The following PRSS38 variants were observed in gnomAD, a reference collection of about 807,000 sequenced individuals.
The protein encoded by PRSS38 is serine protease 38.
PRSS38 carries 22 observed loss-of-function variants against 26.8 expected under a neutral mutation model. The ratio of observed to expected loss-of-function variants is 0.82; its 90% CI spans 0.59 to 1.17. The LOEUF (loss-of-function observed/expected upper bound fraction) is 1.17. Among genes scored for constraint, PRSS38 ranks in the 50% most tolerant of loss-of-function variants. PRSS38 has a pLI of 0.00. For missense variants in PRSS38, 427 were observed against 422.7 expected (o/e 1.01, Z -0.09); for synonymous variants, 175 against 172.1 (o/e 1.02, Z -0.13).
intron 3 of PRSS38, among the ~76,000 whole-genome samples, chr1:227,837,557 CT>C (rs35531843): frequency 0.17 from 26,058 of 152,146 alleles, 4,205 homozygotes; most frequent in African/African-American, 0.43. Context: ...GCAACAGATA[CT>C]TACTGTGCAA....
intron 3 of PRSS38, among the ~76,000 whole-genome samples, chr1:227,826,076 C>A (rs1298462562): frequency 1.3e-5 from 2 of 152,084 alleles, no homozygotes; most frequent in African/African-American, 2.4e-5. Context: ...GTTTGTAGTT[C>A]TTTTTGAAGA....
At chr1:227,815,677 C>CG, upstream of PRSS38, 1 of 1,536,082 alleles carries the variant, frequency 6.5e-7, no homozygotes, top group South Asian at 1.2e-5. Context: ...AGTCACATGT[C>CG]GGGAGCTAGT....
intron 3 of PRSS38, among the ~76,000 whole-genome samples, chr1:227,826,003 C>T (rs1665068424): frequency 1.3e-5 from 2 of 152,102 alleles, no homozygotes; most frequent in Admixed American, 6.5e-5. Flanking sequence ...TTGATTCTTC[C>T]TGTCTGTGAG....
At chr1:227,818,580 A>G (rs959024963) in intron 3 of PRSS38, among the ~76,000 whole-genome samples, 4 of 150,188 alleles carry the variant, frequency 2.7e-5, no homozygotes, top group African/African-American at 7.4e-5. Context: ...CAGGAGGCTA[A>G]CGTGGAAAGA....
chr1:227,840,792 C>T (rs1406627640), intron 3 of PRSS38, among the ~76,000 whole-genome samples: 1 of 152,196 alleles, frequency 6.6e-6, no homozygotes, highest in Non-Finnish European at 1.5e-5. Flanking sequence ...GTCATTCAGC[C>T]TGGAAGTCAC....
intron 3 of PRSS38, among the ~76,000 whole-genome samples, chr1:227,842,721 C>G (rs1665356828): frequency 6.6e-6 from 1 of 152,100 alleles, no homozygotes; most frequent in East Asian, 1.9e-4. Flanking sequence ...GCTGGGATTA[C>G]AGGCATGTGC....
At chr1:227,836,318 C>T (rs77083516) in intron 3 of PRSS38, among the ~76,000 whole-genome samples, 17,599 of 151,870 alleles carry the variant, frequency 0.12, 1,316 homozygotes, top group East Asian at 0.21. Flanking sequence ...CCAGGCTGGC[C>T]TCAAGGGATC....
intron 3 of PRSS38, among the ~76,000 whole-genome samples, chr1:227,827,378 AG>A (rs1273840413): frequency 6.6e-6 from 1 of 152,110 alleles, no homozygotes; most frequent in Non-Finnish European, 1.5e-5. Flanking sequence ...TGGTCTGTTC[AG>A]GGTTTCAATT....
At chr1:227,838,023 T>C (rs933490046) in intron 3 of PRSS38, among the ~76,000 whole-genome samples, 10 of 152,190 alleles carry the variant, frequency 6.6e-5, no homozygotes, top group African/African-American at 2.4e-4. Flanking sequence ...CCCAAGGTGT[T>C]GGGATGACAG....
rs937514873 is a variant in PRSS38 at position 227,835,624 on chromosome 1, G to A, written c.584-9846G>A. ...TGGGGCATAAACATAGGATGGAAAAGTATTTCAACCATAAAATGGAATACG... is the reference window on the plus strand; with the variant it reads ...TGGGGCATAAACATAGGATGGAAAAATATTTCAACCATAAAATGGAATACG... On this transcript the variant is annotated intron_variant, in intron 3 of 4. Transcript: ENST00000366757. 6.6e-5 allele frequency among the ~76,000 whole-genome samples: 10 copies of A among 152,272 alleles called. No homozygotes were observed. The South Asian group carries it at 1.0e-3, about 16-fold the overall frequency.
chr1:227,816,321 T>G lies in PRSS38; in HGVS notation c.311+69T>G. ...CACGGAGTGCCCACAGCGGCTTGGA[T>G]GGACCCCACGCAAGCCTCCCCCATC... On this transcript the variant is annotated intron_variant, in intron 2 of 4. Transcript: ENST00000366757. The surrounding 1 kb of genome is among the most constrained non-coding windows in gnomAD (Gnocchi z 5.1). 6.7e-7 allele frequency: 1 copy of G among 1,502,016 alleles called. No individual in the cohort carries two copies. Among genetic ancestry groups the G allele is most frequent in the East Asian group, 2.3e-5 (1 of 43,714 alleles). 93.0% of individuals were successfully genotyped at this position (1,502,016 alleles called of 1,614,324 possible).
At chr1:227,845,387 C>A in intron 3 of PRSS38, 83 bp from the exon 4 acceptor site, 1 of 946,852 alleles carries the variant, frequency 1.1e-6, no homozygotes, top group South Asian at 1.5e-5. Context: ...TGGGCTATCC[C>A]CTTGGTGTCC....
At chr1:227,820,066 G>A (rs1664979981) in intron 3 of PRSS38, among the ~76,000 whole-genome samples, 2 of 121,556 alleles carry the variant, frequency 1.6e-5, no homozygotes, top group South Asian at 5.3e-4. Flanking sequence ...TCCAGCCTGG[G>A]CAACAAGAGT....
At chr1:227,817,615 G>C (rs1490822832) in intron 3 of PRSS38, 135 bp downstream of exon 3, 10 of 871,288 alleles carry the variant, frequency 1.1e-5, no homozygotes, top group Non-Finnish European at 1.4e-5. Context: ...ACATTTATTT[G>C]TTTGTCAGTG....
chr1:227,844,935 T>TA (rs1665399038), intron 3 of PRSS38, among the ~76,000 whole-genome samples: 1 of 135,252 alleles, frequency 7.4e-6, no homozygotes, highest in Non-Finnish European at 1.6e-5. Context: ...GACTCCTCCC[T>TA]ATGTGTGGTG....
In PRSS38 at chr1:227,824,478, A is replaced by G. The variant is rs115534454; in HGVS notation, c.583+6998A>G. 7.0e-3 allele frequency among the ~76,000 whole-genome samples: 1,067 copies of G among 152,272 alleles called. 9 individuals are homozygous for G. The highest frequency in any genetic ancestry group is 0.024 in the African/African-American group (986 of 41,556). On this transcript the variant is annotated intron_variant, in intron 3 of 4. Coordinates refer to ENST00000366757, the Ensembl canonical transcript of PRSS38. ...TTTATCCAGTCTATCATTGATGGGT[A>G]TCTAGCTTGATTCCATGTCTTTGCT...
chr1:227,817,710 C>T (rs1333187906), intron 3 of PRSS38, among the ~76,000 whole-genome samples: 1 of 152,138 alleles, frequency 6.6e-6, no homozygotes, highest in Admixed American at 6.6e-5. Context: ...AGTTGGTATG[C>T]AGTATATCAA....
chr1:227,824,233 A>G (rs1217006606), intron 3 of PRSS38, among the ~76,000 whole-genome samples: 1 of 152,010 alleles, frequency 6.6e-6, no homozygotes, highest in Non-Finnish European at 1.5e-5. Flanking sequence ...CTATCCCCCC[A>G]AACAGGCCCC....
intron 3 of PRSS38, among the ~76,000 whole-genome samples, chr1:227,819,210 T>C (rs1664966969): frequency 6.6e-6 from 1 of 152,208 alleles, no homozygotes; most frequent in South Asian, 2.1e-4. Flanking sequence ...CATGGGACTT[T>C]ATATGTTGGG....
Sources: allele counts gnomAD v4.1 joint callset (sites outside exome capture counted in the v4.1 genomes callset), GRCh38; gene constraint gnomAD v4.1.1; non-coding constraint Gnocchi (gnomAD v3.1); transcripts MANE v1.5; gene names NCBI Gene and HGNC (gene_info 2026-07-23, HGNC 2026-07-21).